APOBEC2: variants seen among roughly 807,000 people sequenced by gnomAD.
The protein encoded by APOBEC2 is apolipoprotein B mRNA editing enzyme catalytic subunit 2, also known as C->U-editing enzyme APOBEC-2.
Under a neutral mutation model 19.4 loss-of-function variants are expected in APOBEC2, and 14 were observed. The observed-to-expected ratio is 0.72, with a 90% CI of 0.48 to 1.13. APOBEC2 has a LOEUF of 1.13. Among genes scored for constraint, APOBEC2 ranks in the 50% most tolerant of loss-of-function variants. APOBEC2 has a pLI of 0.00. For synonymous variants in APOBEC2, 127 were observed against 112.1 expected, an observed-to-expected ratio of 1.13 and a Z score of -0.84; for missense variants, 304 against 277.0, an observed-to-expected ratio of 1.10 and a Z score of -0.69.
Position 41,061,728 on chromosome 6 carries a change from A to G in APOBEC2, c.532A>G (p.Ile178Val). ...GAAGGAGGCTGGCTGTAAACTGCGC[A>G]TCATGAAGCCCCAGGACTTCGAATA... ...KLKEAGCKLR[I>V]MKPQDFEYVW... Residue 178 changes from isoleucine to valine, a missense_variant, in exon 2 of 3, where the codon ATC becomes GTC. By Grantham distance (29) the Ile-to-Val change is conservative (BLOSUM62 3). Transcript: ENST00000244669. 6.2e-7 allele frequency: 1 copy of G among 1,614,238 alleles called. No individual in the cohort carries two copies. Among genetic ancestry groups the G allele is most frequent in the Non-Finnish European group, 8.5e-7 (1 of 1,180,052 alleles).
rs41273360 is a variant in APOBEC2, at chr6:41,061,400, C to G, written c.204C>G (p.Thr68=). ...NVEYSSGRNK[T]FLCYVVEAQG... is the part of the protein sequence containing the mutation. ...AGTACAGTTCCGGGAGGAACAAGAC[C>G]TTCCTCTGCTATGTGGTTGAAGCAC... Residue 68 remains threonine, a synonymous_variant, in exon 2 of 3, where the codon ACC becomes ACG. Coordinates refer to ENST00000244669, the MANE Select transcript of APOBEC2 (RefSeq NM_006789.4). 8,555 of 1,598,458 alleles carry G rather than the reference C, an allele frequency of 5.4e-3. 224 individuals carry two copies. In the South Asian group the frequency reaches 0.061, roughly 11 times the overall value.
chr6:41,061,803 C>G lies in APOBEC2; in HGVS notation c.607C>G (p.Gln203Glu). The part of the protein sequence containing the change: ...EQEEGESKAF[Q>E]PWEDIQENFL... ...AGAAGAGGGTGAATCCAAGGCCTTT[C>G]AGCCCTGGGAGGACATTCAGGAGAA... Residue 203 changes from glutamine (Q) to glutamate (E), a missense_variant, in exon 2 of 3, where the codon CAG becomes GAG. Coordinates refer to ENST00000244669, the MANE Select transcript of APOBEC2 (RefSeq NM_006789.4). 1.9e-6 allele frequency: 3 copies of G among 1,614,244 alleles called. No homozygotes were observed. Among genetic ancestry groups the G allele is most frequent in the Non-Finnish European group, 2.5e-6 (3 of 1,180,050 alleles).
At chr6:41,053,824 T>A (rs1581987719) in intron 1 of APOBEC2, among the ~76,000 whole-genome samples, 1 of 152,194 alleles carries the variant, frequency 6.6e-6, no homozygotes. Context: ...GGACAGAGGA[T>A]GAGACTGGCA....
chr6:41,053,409 TG>T lies in APOBEC2; in HGVS notation c.64del (p.Glu22ArgfsTer9). On this transcript the variant is annotated frameshift_variant, in exon 1 of 3. Transcript: ENST00000244669. LOFTEE classifies it high-confidence loss of function. ...TEAASQNGED[L>X]ENLDDPEKLK... The stretch of plus-strand genomic sequence containing the variant: ...GCTGCCTCCCAGAATGGGGAGGATC[TG>T]GAGAACCTGGACGACCCTGAGAAGC... The T allele has an allele frequency of 6.2e-7, 1 of 1,614,200 alleles. No homozygotes were observed. The highest frequency in any genetic ancestry group is 8.5e-7 in the Non-Finnish European group (1 of 1,180,028).
Position 41,061,443 on chromosome 6 carries a change from G to A in APOBEC2, c.247G>A (p.Val83Met), listed in dbSNP as rs373170052. 16 of 1,613,352 alleles carry A rather than the reference G, an allele frequency of 9.9e-6. No homozygotes were observed. The African/African-American group carries it at 1.5e-4, about 15-fold the overall frequency. Residue 83 changes from valine (V) to methionine (M), a missense_variant, in exon 2 of 3, where the codon GTG becomes ATG. Transcript: ENST00000244669. ...TGAAGCACAGGGCAAGGGGGGCCAA[G>A]TGCAGGCATCTCGGGGATACCTAGA... ...VVEAQGKGGQ[V>M]QASRGYLEDE... is the part of the protein sequence containing the mutation.
At chr6:41,062,099 A>C (rs1402211418) in intron 2 of APOBEC2, among the ~76,000 whole-genome samples, 4 of 152,236 alleles carry the variant, frequency 2.6e-5, no homozygotes, top group Admixed American at 2.0e-4. Flanking sequence ...TTTTGTATCA[A>C]AGTAACTTTC....
intron 1 of APOBEC2, among the ~76,000 whole-genome samples, chr6:41,060,921 C>T (rs950550667): frequency 6.6e-6 from 1 of 152,242 alleles, no homozygotes; most frequent in African/African-American, 2.4e-5. Context: ...GCTTGGACCA[C>T]CTCTCCACAT....
At chr6:41,058,441 A>C (rs978389609) in intron 1 of APOBEC2, among the ~76,000 whole-genome samples, 13 of 151,418 alleles carry the variant, frequency 8.6e-5, no homozygotes, top group South Asian at 4.2e-4. Context: ...ACACACACAC[A>C]CCCCCACCCC....
Position 41,061,906 on chromosome 6 carries a change from GTGCCATGGC to G in APOBEC2, c.*21+15_*21+23del. ...GCTTTGCCTCACGTGAGTTTTCCTG[GTGCCATGGC>G]ACCAACACTTTATTATGTTAACTCC... is the stretch of plus-strand genomic sequence containing the variant. On this transcript the variant is annotated intron_variant, in intron 2 of 2. Transcript: ENST00000244669. 1 of 1,588,616 alleles carries G rather than the reference GTGCCATGGC, an allele frequency of 6.3e-7. No homozygotes were observed. Among genetic ancestry groups the G allele is most frequent in the Non-Finnish European group, 8.6e-7 (1 of 1,169,056 alleles).
intron 1 of APOBEC2, among the ~76,000 whole-genome samples, chr6:41,056,244 C>T (rs1345219679): frequency 1.3e-5 from 2 of 152,212 alleles, no homozygotes; most frequent in Admixed American, 1.3e-4. Flanking sequence ...GCCTCAGCCT[C>T]CCAAGTAGCT....
Position 41,064,237 on chromosome 6 carries a change from A to C in APOBEC2, c.*158A>C, listed in dbSNP as rs1359461466. 1 of 152,548 alleles carries C rather than the reference A, an allele frequency of 6.6e-6. No homozygotes were observed. Among genetic ancestry groups the C allele is most frequent in the Non-Finnish European group, 1.5e-5 (1 of 68,040 alleles). 9.4% of individuals were successfully genotyped at this position (152,548 alleles called of 1,614,324 possible). A position where few individuals can be genotyped will look rare whatever the true frequency, so the allele number is the denominator to read the frequency against. ...TGGACAAGGCCCTTAGAGGACTTGA[A>C]ATATACTTCTCATGCTGTAGTTTAT... On this transcript the variant is annotated 3_prime_UTR_variant, in exon 3 of 3. Coordinates refer to ENST00000244669, the MANE Select transcript of APOBEC2 (RefSeq NM_006789.4).
chr6:41,053,587 C>A (rs1473715427), intron 1 of APOBEC2, 109 bp downstream of exon 1: 1 of 1,503,228 alleles, frequency 6.7e-7, no homozygotes, highest in East Asian at 2.4e-5. Context: ...AGCTACAACC[C>A]TGCAGCAGTG....
chr6:41,058,149 CCCCACA>C (rs372628651), intron 1 of APOBEC2, among the ~76,000 whole-genome samples: 12,184 of 103,736 alleles, frequency 0.12, 2,295 homozygotes, highest in African/African-American at 0.36. Context: ...CACCACCCCA[CCCCACA>C]CACACACACA....
rs571011982 is a variant in APOBEC2 at position 41,055,973 on chromosome 6, CA to C, written c.131+2496del. Reference sequence around the variant, plus strand: ...TCAGAGAGATGAGTGTTACACTTATCAGCACACCATTGAAAACCAGAAACCT... The same window carrying C: ...TCAGAGAGATGAGTGTTACACTTATCGCACACCATTGAAAACCAGAAACCT... On this transcript the variant is annotated intron_variant, in intron 1 of 2. Coordinates refer to ENST00000244669, the MANE Select transcript of APOBEC2 (RefSeq NM_006789.4). 2.6e-3 allele frequency among the ~76,000 whole-genome samples: 397 copies of C among 152,262 alleles called. 6 individuals are homozygous for C. Among genetic ancestry groups the C allele is most frequent in the African/African-American group, 9.3e-3 (388 of 41,542 alleles).
intron 1 of APOBEC2, among the ~76,000 whole-genome samples, chr6:41,056,982 C>G (rs1762805176): frequency 6.6e-6 from 1 of 152,170 alleles, no homozygotes; most frequent in Non-Finnish European, 1.5e-5. Flanking sequence ...CCCCAGCTTT[C>G]CAACCCAGTG....
intron 2 of APOBEC2, among the ~76,000 whole-genome samples, chr6:41,063,477 C>T (rs1358018595): frequency 6.8e-6 from 1 of 146,778 alleles, no homozygotes; most frequent in Non-Finnish European, 1.5e-5. Flanking sequence ...GTATATTTTC[C>T]TTTCAGACAT....
At chr6:41,053,635 C>T (rs904955444) in intron 1 of APOBEC2, among the ~76,000 whole-genome samples, 157 bp downstream of exon 1, 1 of 152,132 alleles carries the variant, frequency 6.6e-6, no homozygotes, top group Non-Finnish European at 1.5e-5. Context: ...TGGTAGGGGA[C>T]CCAGCAGCAA....
At chr6:41,055,487 C>T (rs963815283) in intron 1 of APOBEC2, among the ~76,000 whole-genome samples, 4 of 152,300 alleles carry the variant, frequency 2.6e-5, no homozygotes, top group African/African-American at 9.6e-5. Flanking sequence ...TAGCTTTCCT[C>T]TCCTTCCCTC....
intron 1 of APOBEC2, among the ~76,000 whole-genome samples, chr6:41,053,784 G>A (rs113683164): frequency 5.9e-5 from 9 of 152,312 alleles, no homozygotes; most frequent in East Asian, 1.9e-4. Flanking sequence ...GCCTCTCTGG[G>A]TAGAAGCTTA....
Sources: allele counts gnomAD v4.1 joint callset (sites outside exome capture counted in the v4.1 genomes callset), GRCh38; gene constraint gnomAD v4.1.1; transcripts MANE v1.5; gene names NCBI Gene and HGNC (gene_info 2026-07-23, HGNC 2026-07-21).